Variants in DRC9 observed in about 807,000 individuals in gnomAD.
DRC9 encodes the protein dynein regulatory complex protein 9.
the DRC9 span, among the ~76,000 whole-genome samples, chr3:197,895,807 G>A: frequency 5.3e-5 from 8 of 150,894 alleles, no homozygotes; most frequent in Admixed American, 1.3e-4. Context: ...AAACCCCATC[G>A]CTACAAAACA....
At chr3:197,912,914 C>T in the DRC9 span, 11 of 642,784 alleles carry the variant, frequency 1.7e-5, no homozygotes, top group Admixed American at 2.3e-4. Context: ...TGCAGAGCCA[C>T]GTGGCGCGGC....
At chr3:197,893,582 G>A in the DRC9 span, among the ~76,000 whole-genome samples, 2 of 151,898 alleles carry the variant, frequency 1.3e-5, no homozygotes, top group African/African-American at 4.8e-5. Context: ...AGTGGCTCAC[G>A]TCTGGAATCC....
the DRC9 span, among the ~76,000 whole-genome samples, chr3:197,919,901 A>G: frequency 1.1e-4 from 16 of 152,230 alleles, no homozygotes; most frequent in African/African-American, 3.6e-4. Flanking sequence ...ATAGTTCTCT[A>G]TTAAATTAAC....
At chr3:197,938,513 A>G in the DRC9 span, 3 of 1,516,832 alleles carry the variant, frequency 2.0e-6, no homozygotes, top group Non-Finnish European at 2.7e-6. Context: ...ATGTGTAAAT[A>G]CGTTATTTCA....
chr3:197,943,835 G>A, the DRC9 span: 2 of 1,614,130 alleles, frequency 1.2e-6, no homozygotes, highest in Non-Finnish European at 1.7e-6. Context: ...TCAGAATAGA[G>A]AGCTGGTCTG....
At chr3:197,905,030 A>G in the DRC9 span, among the ~76,000 whole-genome samples, 2 of 152,216 alleles carry the variant, frequency 1.3e-5, no homozygotes, top group South Asian at 2.1e-4. Context: ...GCTAAAAATT[A>G]AAACAATTGA....
the DRC9 span, among the ~76,000 whole-genome samples, chr3:197,946,389 C>G: frequency 6.1e-5 from 9 of 146,492 alleles, no homozygotes; most frequent in African/African-American, 2.3e-4. Context: ...GAGCCGAGAT[C>G]GCGCCACTGC....
At chr3:197,917,420 T>C in the DRC9 span, among the ~76,000 whole-genome samples, 1 of 152,218 alleles carries the variant, frequency 6.6e-6, no homozygotes, top group Non-Finnish European at 1.5e-5. Flanking sequence ...TGACAGTTAT[T>C]CCAACTAGAT....
chr3:197,905,305 C>T, the DRC9 span, among the ~76,000 whole-genome samples: 37 of 152,256 alleles, frequency 2.4e-4, 1 homozygote, highest in African/African-American at 7.2e-4. Flanking sequence ...GTGACTCCCA[C>T]GTGTCACACG....
the DRC9 span, chr3:197,954,217 T>A: frequency 6.6e-7 from 1 of 1,520,158 alleles, no homozygotes; most frequent in Non-Finnish European, 9.1e-7. Flanking sequence ...TGCTTTGACT[T>A]CTGAGGACTT....
chr3:197,910,824 A>G, the DRC9 span, among the ~76,000 whole-genome samples: 2 of 151,960 alleles, frequency 1.3e-5, no homozygotes, highest in Non-Finnish European at 2.9e-5. Context: ...TACTAAAAAT[A>G]CAAAAATTAG....
chr3:197,951,092 G>T, the DRC9 span: 3 of 1,607,678 alleles, frequency 1.9e-6, no homozygotes, highest in East Asian at 6.7e-5. Context: ...TTTTGGGTGG[G>T]GGTGATTACA....
chr3:197,914,150 G>T, the DRC9 span: 1 of 937,960 alleles, frequency 1.1e-6, no homozygotes, highest in Non-Finnish European at 1.7e-6. Context: ...TAAGGAACTG[G>T]AACTATTTTT....
the DRC9 span, among the ~76,000 whole-genome samples, chr3:197,941,115 C>A: frequency 6.6e-6 from 1 of 151,990 alleles, no homozygotes; most frequent in African/African-American, 2.4e-5. Flanking sequence ...AATGCCTTCC[C>A]ATTTGTTTGT....
the DRC9 span, chr3:197,932,290 G>A: frequency 3.1e-5 from 50 of 1,609,208 alleles, no homozygotes; most frequent in Middle Eastern, 1.6e-4. Context: ...CAATCACATC[G>A]CTGAAAAACT....
chr3:197,937,741 G>A, the DRC9 span, among the ~76,000 whole-genome samples: 1 of 151,860 alleles, frequency 6.6e-6, no homozygotes, highest in African/African-American at 2.4e-5. Flanking sequence ...ACCTCCCAAA[G>A]TGCCGGGATT....
chr3:197,955,676 C>G, the DRC9 span: 1 of 1,263,438 alleles, frequency 7.9e-7, no homozygotes, highest in East Asian at 2.3e-5. Context: ...AGAGATTTAT[C>G]CGTATTACGG....
At chr3:197,892,113 C>G in the DRC9 span, among the ~76,000 whole-genome samples, 2 of 152,238 alleles carry the variant, frequency 1.3e-5, no homozygotes, top group African/African-American at 4.8e-5. Context: ...TGGTCTCAAA[C>G]TCCTGATCTC....
chr3:197,947,304 T>C, the DRC9 span, among the ~76,000 whole-genome samples: 2 of 152,198 alleles, frequency 1.3e-5, no homozygotes, highest in Admixed American at 6.6e-5. Context: ...AATGAAAGGG[T>C]GATCTTTTAA....
Sources: allele counts gnomAD v4.1 joint callset (sites outside exome capture counted in the v4.1 genomes callset), GRCh38; gene constraint gnomAD v4.1.1; transcripts MANE v1.5; gene names NCBI Gene and HGNC (gene_info 2026-07-23, HGNC 2026-07-21).